Variants in DVL3 observed in about 807,000 individuals in gnomAD.
DVL3 encodes the protein dishevelled segment polarity protein 3.
Under a neutral mutation model 67.4 loss-of-function variants are expected in DVL3, and 27 were observed. The observed-to-expected ratio is 0.40, with a 90% CI of 0.30 to 0.55. The LOEUF (loss-of-function observed/expected upper bound fraction) is 0.55. DVL3 is among the 20% of genes least tolerant of loss of function. The pLI is 0.46. For missense variants in DVL3, 819 were observed against 1,021.5 expected (o/e 0.80, Z 2.70); for synonymous variants, 369 against 396.8 (o/e 0.93, Z 0.83).
chr3:184,158,624 A>G, intron 1 of DVL3, among the ~76,000 whole-genome samples: 1 of 152,094 alleles, frequency 6.6e-6, no homozygotes, highest in South Asian at 2.1e-4. Flanking sequence ...GAGGAAGGAA[A>G]GTGGGTCAGA....
chr3:184,163,530 A>G lies in DVL3; in HGVS notation c.162-127A>G, dbSNP rs1322744099. ...CTGGGTCTCCCCAACCTCTGCTTTC[A>G]TTTGAACAGTCTTGTGCTGGTGGTT... On this transcript the variant is annotated intron_variant, in intron 1 of 14. Coordinates refer to ENST00000313143, the MANE Select transcript of DVL3 (RefSeq NM_004423.4). The surrounding 1 kb of genome is among the most constrained non-coding windows in gnomAD (Gnocchi z 4.5). 1.5e-5 allele frequency: 13 copies of G among 893,364 alleles called. No homozygotes were observed. The highest frequency in any genetic ancestry group is 2.5e-5 in the Non-Finnish European group (13 of 526,494). The allele number at this position is 893,364 out of a possible 1,614,324, so 55.3% of individuals were successfully genotyped here. A position where few individuals can be genotyped will look rare whatever the true frequency, so the allele number is the denominator to read the frequency against.
chr3:184,167,111 A>C lies in DVL3; in HGVS notation c.1198+136A>C. The C allele has an allele frequency of 9.2e-7, 1 of 1,089,220 alleles. No homozygotes were observed. The highest frequency in any genetic ancestry group is 1.5e-5 in the South Asian group (1 of 66,614). The allele number at this position is 1,089,220 out of a possible 1,614,324, so 67.5% of individuals were successfully genotyped here. A position where few individuals can be genotyped will look rare whatever the true frequency, so the allele number is the denominator to read the frequency against. ...GCTCGGCTCATTCCAGCAACCCCAC[A>C]CTGCAACTCCCCCACAGCGGGCACT... is the stretch of plus-strand genomic sequence containing the variant. On this transcript the variant is annotated intron_variant, in intron 11 of 14. Transcript: ENST00000313143. This position sits in a 1 kb window ranked among gnomAD's most constrained non-coding sequence, Gnocchi z 4.6.
In DVL3 at chr3:184,170,796, C is replaced by G; in HGVS notation, c.*41C>G. ...CAGCTCCATTCCGCTCCCACCCCAG[C>G]CGGCTGCGTTCCTCTCTCCATCCGT... On this transcript the variant is annotated 3_prime_UTR_variant, in exon 15 of 15. Transcript: ENST00000313143. This position sits in a 1 kb window ranked among gnomAD's most constrained non-coding sequence, Gnocchi z 6.5. 1 of 1,607,560 alleles carries G rather than the reference C, an allele frequency of 6.2e-7. No homozygotes were observed.
In DVL3 at chr3:184,163,587, A is replaced by G; in HGVS notation, c.162-70A>G. 7.5e-7 allele frequency: 1 copy of G among 1,339,714 alleles called. No individual in the cohort carries two copies. Among genetic ancestry groups the G allele is most frequent in the Non-Finnish European group, 1.1e-6 (1 of 929,752 alleles). The allele number at this position is 1,339,714 out of a possible 1,614,324, so 83.0% of individuals were successfully genotyped here. On this transcript the variant is annotated intron_variant, in intron 1 of 14. Transcript: ENST00000313143. This position sits in a 1 kb window ranked among gnomAD's most constrained non-coding sequence, Gnocchi z 4.5. ...CCAGTTTAGGATGGAGGAGCCCCTG[A>G]GAGTTGGGATTTGAGGATCCTCCAT...
rs1337426636 is a variant in DVL3, at chr3:184,167,840, A to C, written c.1331-58A>C. 1.9e-5 allele frequency: 31 copies of C among 1,612,542 alleles called. No homozygotes were observed. The highest frequency in any genetic ancestry group is 2.6e-5 in the Non-Finnish European group (31 of 1,179,312). On this transcript the variant is annotated intron_variant, in intron 12 of 14. Transcript: ENST00000313143. This position sits in a 1 kb window ranked among gnomAD's most constrained non-coding sequence, Gnocchi z 4.6. Reference sequence around the variant, plus strand: ...CAGCCCCAGCCTCATAGCTTCTGTGAGGCCAGATGAGTCCAAGTCAGATGG... The same window carrying C: ...CAGCCCCAGCCTCATAGCTTCTGTGCGGCCAGATGAGTCCAAGTCAGATGG...
chr3:184,159,642 G>T (rs1005750925), intron 1 of DVL3, among the ~76,000 whole-genome samples: 3 of 150,124 alleles, frequency 2.0e-5, no homozygotes, highest in Non-Finnish European at 4.4e-5. Context: ...GGGATTACAG[G>T]TGTGAGCCAC....
At position 184,165,480 on chromosome 3, in the gene DVL3, C is replaced by A; in HGVS notation, c.752C>A (p.Thr251Asn). The change falls in exon 7 of 15, where the codon ACT (threonine) becomes AAT (asparagine). Residue 251 changes from threonine to asparagine, a missense_variant. This residue lies in a region of DVL3 where 385 missense variants were observed against 486.8 expected (regional missense o/e 0.79). Transcript: ENST00000313143. This position sits in a 1 kb window ranked among gnomAD's most constrained non-coding sequence, Gnocchi z 4.1. ...STMSLNIITVTLNMEKYNFLG... is the reference protein window; with the variant it reads ...STMSLNIITVNLNMEKYNFLG... ...ATGTCACTCAACATCATCACGGTCA[C>A]TCTCAACATGGGTGAGTCTGAGGAA... The A allele has an allele frequency of 1.2e-6, 2 of 1,614,092 alleles. No individual in the cohort carries two copies. Among genetic ancestry groups the A allele is most frequent in the Non-Finnish European group, 1.7e-6 (2 of 1,179,952 alleles).
In DVL3 at chr3:184,170,373, A is replaced by G; in HGVS notation, c.1769A>G (p.Asp590Gly). The change falls in exon 15 of 15, where the codon GAC becomes GGC. Residue 590 changes from aspartate (D) to glycine (G), a missense_variant. Physicochemically the swap from Asp to Gly is moderately conservative, Grantham distance 94 (BLOSUM62 -1). This residue lies in a region of DVL3 where 324 missense variants were observed against 331.3 expected (regional missense o/e 0.98). Transcript: ENST00000313143. The surrounding 1 kb of genome is among the most constrained non-coding windows in gnomAD (Gnocchi z 6.5). ...RSGSDRRKEK[D>G]PKAGDSKSGG... ...GGCAGCGATCGGAGGAAGGAGAAGG[A>G]CCCGAAGGCCGGGGACTCCAAGTCC... 1 of 1,605,732 alleles carries G rather than the reference A, an allele frequency of 6.2e-7. No homozygotes were observed. The highest frequency in any genetic ancestry group is 8.5e-7 in the Non-Finnish European group (1 of 1,176,514).
In DVL3 at chr3:184,165,284, C is replaced by T; in HGVS notation, c.693+78C>T. The T allele has an allele frequency of 6.5e-7, 1 of 1,540,856 alleles. No individual in the cohort carries two copies. The highest frequency in any genetic ancestry group is 2.3e-5 in the East Asian group (1 of 43,972). On this transcript the variant is annotated intron_variant, in intron 6 of 14. Coordinates refer to ENST00000313143, the MANE Select transcript of DVL3 (RefSeq NM_004423.4). This position sits in a 1 kb window ranked among gnomAD's most constrained non-coding sequence, Gnocchi z 4.1. ...TACGCAGGGCCAAGGCTTGTTCTTC[C>T]TTAGATCCCATCCCCCTAGTGCAGT...
Position 184,164,122 on chromosome 3 carries a change from C to T in DVL3, c.232-145C>T. On this transcript the variant is annotated intron_variant, in intron 2 of 14. Coordinates refer to ENST00000313143, the MANE Select transcript of DVL3 (RefSeq NM_004423.4). The surrounding 1 kb of genome is among the most constrained non-coding windows in gnomAD (Gnocchi z 5.3). ...GTGGCAGAGGGGCCACTGTTCATCTCAGCCACCCTCGCACAGCCCTGTCTT... is the reference window on the plus strand; with the variant it reads ...GTGGCAGAGGGGCCACTGTTCATCTTAGCCACCCTCGCACAGCCCTGTCTT... 1 of 1,029,378 alleles carries T rather than the reference C, an allele frequency of 9.7e-7. No homozygotes were observed. Among genetic ancestry groups the T allele is most frequent in the Non-Finnish European group, 1.4e-6 (1 of 691,894 alleles). The allele number at this position is 1,029,378 out of a possible 1,614,324, so 63.8% of individuals were successfully genotyped here.
At chr3:184,160,989 C>A (rs1399782100) in intron 1 of DVL3, among the ~76,000 whole-genome samples, 1 of 152,172 alleles carries the variant, frequency 6.6e-6, no homozygotes, top group Admixed American at 6.5e-5. Flanking sequence ...CCGAGGGTCG[C>A]TGTGGCTCTG....
intron 13 of DVL3, among the ~76,000 whole-genome samples, chr3:184,169,713 C>T (rs1714737038): frequency 6.6e-6 from 1 of 152,192 alleles, no homozygotes; most frequent in Non-Finnish European, 1.5e-5. Context: ...TTCTAGCCCA[C>T]TGAGGCCAGC....
chr3:184,161,001 G>A (rs1025453436), intron 1 of DVL3, among the ~76,000 whole-genome samples: 6 of 152,334 alleles, frequency 3.9e-5, no homozygotes, highest in Non-Finnish European at 7.3e-5. Flanking sequence ...GTGGCTCTGG[G>A]AATGATAGAG....
At position 184,155,707 on chromosome 3, in the gene DVL3, C is replaced by T. The variant is rs1714158150; in HGVS notation, c.72C>T (p.Pro24=). 1.2e-6 allele frequency: 2 copies of T among 1,613,304 alleles called. No homozygotes were observed. Among genetic ancestry groups the T allele is most frequent in the South Asian group, 1.1e-5 (1 of 91,056 alleles). ...CGTACCTTGTGAAGCTGCCCCTGCC[C>T]GCCGAGCGCGTCACCTTGGCGGACT... ...ETPYLVKLPL[P]AERVTLADFK... The change falls in exon 1 of 15, where the codon CCC becomes CCT. Residue 24 remains proline, a synonymous_variant. Transcript: ENST00000313143. This position sits in a 1 kb window ranked among gnomAD's most constrained non-coding sequence, Gnocchi z 5.4.
Position 184,170,412 on chromosome 3 carries a change from G to A in DVL3, c.1808G>A (p.Ser603Asn), listed in dbSNP as rs1006449034. Residue 603 changes from serine to asparagine, a missense_variant, in exon 15 of 15, where the codon AGC (serine) becomes AAC (asparagine). Ser to Asn is a conservative substitution (Grantham distance 46). Around this residue, in one of 3 missense-constraint regions of DVL3, gnomAD observed 324 missense variants for 331.3 expected, o/e 0.98. Coordinates refer to ENST00000313143, the MANE Select transcript of DVL3 (RefSeq NM_004423.4). This position sits in a 1 kb window ranked among gnomAD's most constrained non-coding sequence, Gnocchi z 6.5. Reference sequence around the variant, plus strand: ...GACTCCAAGTCCGGGGGCAGCGGCAGCGAATCGGACCACACCACACGCAGC... The same window carrying A: ...GACTCCAAGTCCGGGGGCAGCGGCAACGAATCGGACCACACCACACGCAGC... ...AGDSKSGGSG[S>N]ESDHTTRSSL... The A allele has an allele frequency of 3.1e-6, 5 of 1,601,104 alleles. No homozygotes were observed. Among genetic ancestry groups the A allele is most frequent in the Non-Finnish European group, 4.3e-6 (5 of 1,174,124 alleles).
Position 184,170,638 on chromosome 3 carries a change from C to T in DVL3, c.2034C>T (p.Pro678=), listed in dbSNP as rs1316980548. The change falls in exon 15 of 15, where the codon CCC becomes CCT. Residue 678 remains proline (P), a synonymous_variant. Coordinates refer to ENST00000313143, the MANE Select transcript of DVL3 (RefSeq NM_004423.4). The surrounding 1 kb of genome is among the most constrained non-coding windows in gnomAD (Gnocchi z 6.5). ...CCCCGCCGCCCGCGGCCATGGGGCC[C>T]CCAGGAGCCCCTCCGGGCCGCGACC... is the stretch of plus-strand genomic sequence containing the variant. ...MMPPPPAAMG[P]PGAPPGRDLA... is the part of the protein sequence containing the mutation. 8.1e-6 allele frequency: 13 copies of T among 1,611,274 alleles called. No individual in the cohort carries two copies. The highest frequency in any genetic ancestry group is 1.3e-5 in the African/African-American group (1 of 74,698).
rs1373965624 is a variant in DVL3 at position 184,164,621 on chromosome 3, G to A, written c.463+20G>A. The A allele has an allele frequency of 1.3e-6, 2 of 1,548,368 alleles. No individual in the cohort carries two copies. Among genetic ancestry groups the A allele is most frequent in the African/African-American group, 1.4e-5 (1 of 73,262 alleles). The stretch of plus-strand genomic sequence containing the variant: ...AGCATGGTATATCTTCCTGAACACG[G>A]ACACTGTCCGCACCTCACACCCTCC... On this transcript the variant is annotated intron_variant, in intron 4 of 14. Transcript: ENST00000313143. This position sits in a 1 kb window ranked among gnomAD's most constrained non-coding sequence, Gnocchi z 5.3.
intron 1 of DVL3, among the ~76,000 whole-genome samples, chr3:184,162,937 T>C (rs1240935584): frequency 6.6e-6 from 1 of 152,032 alleles, no homozygotes; most frequent in Non-Finnish European, 1.5e-5. Flanking sequence ...TAACTACAGT[T>C]TGGGGCTAGG....
rs371395849 is a variant in DVL3 at position 184,167,989 on chromosome 3, T to C, written c.1422T>C (p.Ala474=). 5 of 1,614,270 alleles carry C rather than the reference T, an allele frequency of 3.1e-6. No individual in the cohort carries two copies. In the East Asian group the frequency reaches 1.1e-4, roughly 36 times the overall value. Residue 474 remains alanine (A), a synonymous_variant, in exon 13 of 15, where the codon GCT becomes GCC. Transcript: ENST00000313143. The surrounding 1 kb of genome is among the most constrained non-coding windows in gnomAD (Gnocchi z 4.6). ...AGTATGCCAGCAACCTGCTGAAAGC[T>C]GGCTTCATCCGCCATACCGTCAACA... The part of the protein sequence containing the change: ...ARKYASNLLK[A]GFIRHTVNKI...
Sources: gnomAD v4.1 joint callset for allele counts (sites outside exome capture counted in the v4.1 genomes callset) on GRCh38, gnomAD v4.1.1 for gene constraint, gnomAD v4.1.1 regional missense constraint, Gnocchi (gnomAD v3.1) non-coding constraint, MANE v1.5 for transcripts, NCBI Gene and HGNC (gene_info 2026-07-23, HGNC 2026-07-21) for gene names.